Variants in CAMKMT observed in about 807,000 individuals in gnomAD.
CAMKMT encodes the protein calmodulin-lysine N-methyltransferase.
A neutral mutation model predicts 48.0 loss-of-function variants in CAMKMT; 53 were observed. The ratio of observed to expected loss-of-function variants is 1.10; its 90% CI spans 0.89 to 1.39. The LOEUF (loss-of-function observed/expected upper bound fraction) is 1.39, where lower values mean the gene tolerates loss of function less well. Among genes scored for constraint, CAMKMT ranks in the 40% most tolerant of loss-of-function variants. CAMKMT has a pLI of 0.00. For missense variants in CAMKMT, 428 were observed against 402.7 expected, an observed-to-expected ratio of 1.06 and a Z score of -0.54; for synonymous variants, 165 against 152.3, an observed-to-expected ratio of 1.08 and a Z score of -0.61.
intron 3 of CAMKMT, among the ~76,000 whole-genome samples, chr2:44,556,946 T>C (rs911370644): frequency 2.0e-5 from 3 of 152,000 alleles, no homozygotes; most frequent in Non-Finnish European, 2.9e-5. Flanking sequence ...CAAGTGAGGA[T>C]GATGTAAGTT....
At chr2:44,713,311 CTA>C (rs1677984562) in intron 6 of CAMKMT, among the ~76,000 whole-genome samples, 2 of 152,132 alleles carry the variant, frequency 1.3e-5, no homozygotes, top group Non-Finnish European at 2.9e-5. Flanking sequence ...TCATACGACT[CTA>C]CAGGTGTACT....
chr2:44,391,494 G>A (rs1681337949), intron 3 of CAMKMT, among the ~76,000 whole-genome samples: 1 of 152,010 alleles, frequency 6.6e-6, no homozygotes, highest in South Asian at 2.1e-4. Flanking sequence ...TCTAGGCAAG[G>A]ACTGGGCAAA....
intron 7 of CAMKMT, among the ~76,000 whole-genome samples, chr2:44,730,898 G>A (rs966198777): frequency 2.0e-5 from 3 of 152,200 alleles, no homozygotes; most frequent in Non-Finnish European, 4.4e-5. Flanking sequence ...GCCTATAATA[G>A]CCATACAAAG....
At chr2:44,771,914 T>C (rs1039360794) in intron 10 of CAMKMT, 122 bp from the exon 11 acceptor site, 1 of 675,146 alleles carries the variant, frequency 1.5e-6, no homozygotes, top group Non-Finnish European at 2.5e-6. Context: ...TTTTCTGTGA[T>C]TTATTTTTCC....
In CAMKMT at chr2:44,452,591, T is replaced by A. The variant is rs1667350190; in HGVS notation, c.376+62286T>A. Among the ~76,000 whole-genome samples the A allele has an allele frequency of 2.0e-5, 3 of 152,018 alleles. No individual in the cohort carries two copies. In the South Asian group the frequency reaches 6.2e-4, roughly 31 times the overall value. The stretch of plus-strand genomic sequence containing the variant: ...TTCATGGCACACTTGGCTTACAGAG[T>A]TTAATTTTGCTGAAATAAGAGTTTA... On this transcript the variant is annotated intron_variant, in intron 3 of 10. Coordinates refer to ENST00000378494, the MANE Select transcript of CAMKMT (RefSeq NM_024766.5).
intron 3 of CAMKMT, among the ~76,000 whole-genome samples, chr2:44,584,395 A>G (rs1367099692): frequency 6.6e-6 from 1 of 152,226 alleles, no homozygotes; most frequent in East Asian, 1.9e-4. Context: ...ACATATGAAT[A>G]GTGTTGGCCC....
intron 3 of CAMKMT, among the ~76,000 whole-genome samples, chr2:44,412,817 T>C (rs1683300478): frequency 6.6e-6 from 1 of 152,126 alleles, no homozygotes; most frequent in Non-Finnish European, 1.5e-5. Context: ...GGCTCACGCC[T>C]GTAATCCCAG....
intron 3 of CAMKMT, among the ~76,000 whole-genome samples, chr2:44,530,706 C>A (rs1455545871): frequency 6.6e-6 from 1 of 151,968 alleles, no homozygotes; most frequent in African/African-American, 2.4e-5. Context: ...GGGTGATGTG[C>A]CTCCACCCTG....
At chr2:44,483,742 A>C (rs918914881) in intron 3 of CAMKMT, among the ~76,000 whole-genome samples, 2 of 152,168 alleles carry the variant, frequency 1.3e-5, no homozygotes, top group African/African-American at 4.8e-5. Flanking sequence ...TCTTCAAGTA[A>C]AACTGGGCTT....
intron 3 of CAMKMT, among the ~76,000 whole-genome samples, chr2:44,615,041 T>G (rs1671808112): frequency 7.1e-6 from 1 of 140,516 alleles, no homozygotes; most frequent in Non-Finnish European, 1.5e-5. Flanking sequence ...AATCCTGCCA[T>G]CTCTGCCACC....
At chr2:44,659,577 A>G (rs1223007009) in intron 3 of CAMKMT, among the ~76,000 whole-genome samples, 2 of 151,962 alleles carry the variant, frequency 1.3e-5, no homozygotes, top group Non-Finnish European at 2.9e-5. Flanking sequence ...AAAAAAAAAA[A>G]AAAGAAAAAT....
At chr2:44,519,803 A>G (rs1364633044) in intron 3 of CAMKMT, among the ~76,000 whole-genome samples, 2 of 152,168 alleles carry the variant, frequency 1.3e-5, no homozygotes, top group South Asian at 2.1e-4. Context: ...TTAATTTTGT[A>G]CATGGTGGCA....
chr2:44,772,362 A>G lies in CAMKMT; in HGVS notation c.*249A>G. 2.9e-6 allele frequency: 1 copy of G among 350,538 alleles called. No individual in the cohort carries two copies. Among genetic ancestry groups the G allele is most frequent in the Middle Eastern group, 5.7e-4 (1 of 1,750 alleles). The allele number at this position is 350,538 out of a possible 1,614,324, so 21.7% of individuals were successfully genotyped here. ...AACCTTTGTTTGTCTTTAAATGTGT[A>G]TAAGCTGCCTGTCTGTGACTTGAAT... On this transcript the variant is annotated 3_prime_UTR_variant, in exon 11 of 11. Transcript: ENST00000378494.
intron 3 of CAMKMT, among the ~76,000 whole-genome samples, chr2:44,491,374 T>G (rs1669496684): frequency 6.6e-6 from 1 of 152,144 alleles, no homozygotes; most frequent in South Asian, 2.1e-4. Context: ...TGCCTAAAAT[T>G]TTTTTAAATG....
At chr2:44,705,576 T>C (rs1005048307) in intron 4 of CAMKMT, 6 of 971,734 alleles carry the variant, frequency 6.2e-6, no homozygotes, top group Middle Eastern at 5.2e-4. Flanking sequence ...CAGCTTTAAC[T>C]CTGAGCCGCT....
intron 3 of CAMKMT, among the ~76,000 whole-genome samples, chr2:44,639,690 T>C (rs144430274): frequency 1.2e-3 from 190 of 152,324 alleles, no homozygotes; most frequent in Middle Eastern, 3.4e-3. Context: ...CTATCTTTTG[T>C]GGTTGGATGC....
At chr2:44,490,362 G>A (rs549321071) in intron 3 of CAMKMT, among the ~76,000 whole-genome samples, 1 of 151,924 alleles carries the variant, frequency 6.6e-6, no homozygotes, top group Non-Finnish European at 1.5e-5. Flanking sequence ...CACAACCTCC[G>A]CCTCCCGGGT....
chr2:44,457,742 G>A (rs1667643336), intron 3 of CAMKMT, among the ~76,000 whole-genome samples: 1 of 152,218 alleles, frequency 6.6e-6, no homozygotes, highest in South Asian at 2.1e-4. Flanking sequence ...AAGAGTCTTT[G>A]AAACTAGAAA....
At chr2:44,467,109 C>T (rs1668156918) in intron 3 of CAMKMT, among the ~76,000 whole-genome samples, 1 of 151,932 alleles carries the variant, frequency 6.6e-6, no homozygotes, top group South Asian at 2.1e-4. Context: ...GCAAAATTAG[C>T]CAGGCATGGT....
Sources: allele counts gnomAD v4.1 joint callset (sites outside exome capture counted in the v4.1 genomes callset), GRCh38; gene constraint gnomAD v4.1.1; transcripts MANE v1.5; gene names NCBI Gene and HGNC (gene_info 2026-07-23, HGNC 2026-07-21).